The following ERLIN2 variants were observed in gnomAD, a reference collection of about 807,000 sequenced individuals.
ERLIN2 encodes erlin-2.
ERLIN2 carries 22 observed loss-of-function variants against 41.5 expected under a neutral mutation model. That is an observed-to-expected ratio of 0.53 (90% CI 0.38 to 0.76). The LOEUF (loss-of-function observed/expected upper bound fraction) is 0.76. Ranked by LOEUF, ERLIN2 falls within the 30% of genes least tolerant of loss-of-function variation. The pLI is 0.00. For missense variants in ERLIN2, 247 were observed against 414.3 expected (o/e 0.60, Z 3.51); for synonymous variants, 149 against 150.9 (o/e 0.99, Z 0.09).
At chr8:37,746,239 A>G (rs1168623519) in intron 6 of ERLIN2, 29 of 985,442 alleles carry the variant, frequency 2.9e-5, no homozygotes, top group Non-Finnish European at 3.3e-5. Context: ...TTCTCTCAGG[A>G]CTCTTATAGC....
intron 4 of ERLIN2, among the ~76,000 whole-genome samples, chr8:37,743,534 C>G (rs1271164908): frequency 1.3e-5 from 2 of 152,206 alleles, no homozygotes; most frequent in East Asian, 3.8e-4. Flanking sequence ...TCTTAAAGGT[C>G]TAATCTCCAA....
chr8:37,744,756 C>G (rs1399062857), intron 6 of ERLIN2, 60 bp downstream of exon 6: 1 of 1,597,078 alleles, frequency 6.3e-7, no homozygotes, highest in Admixed American at 1.7e-5. Context: ...CCCCGCGTCT[C>G]TCCACTGCCT....
rs1563319565 is a variant in ERLIN2, at chr8:37,756,327, ACTC to A, written c.*2215_*2217del. On this transcript the variant is annotated 3_prime_UTR_variant, in exon 12 of 12. Coordinates refer to ENST00000519638, the MANE Select transcript of ERLIN2 (RefSeq NM_007175.8). ...AGCATCCCACTTCCCGAAAATGTCT[ACTC>A]CTTCTACTCTGAGCTCTTGTTGCCT... 1 of 152,040 alleles carries A rather than the reference ACTC, an allele frequency of 6.6e-6. No homozygotes were observed. Among genetic ancestry groups the A allele is most frequent in the East Asian group, 1.9e-4 (1 of 5,182 alleles). 9.4% of individuals were successfully genotyped at this position (152,040 alleles called of 1,614,324 possible).
chr8:37,744,424 T>G lies in ERLIN2; in HGVS notation c.298+8T>G, dbSNP rs745872201. 26 of 1,613,820 alleles carry G rather than the reference T, an allele frequency of 1.6e-5. No individual in the cohort carries two copies. Among genetic ancestry groups the G allele is most frequent in the Middle Eastern group, 3.3e-4 (2 of 6,062 alleles). ...TCCTGGTCCCGAACGCAGGTACGTC[T>G]TAACAGTTTATTCCCACCACCAGCT... On this transcript the variant is annotated splice_region_variant and intron_variant, in intron 5 of 11. Transcript: ENST00000519638.
At chr8:37,751,601 G>T (rs180908278) in intron 9 of ERLIN2, 25 bp from the exon 10 acceptor site, 57 of 1,582,940 alleles carry the variant, frequency 3.6e-5, no homozygotes, top group Non-Finnish European at 4.9e-5. Context: ...TGCCAGAACC[G>T]TAATCCTCAC....
At chr8:37,743,712 T>G (rs1476293127) in intron 4 of ERLIN2, among the ~76,000 whole-genome samples, 1 of 151,932 alleles carries the variant, frequency 6.6e-6, no homozygotes, top group Non-Finnish European at 1.5e-5. Context: ...ATACCATGAG[T>G]GTGTAGGAGA....
rs1803293675 is a variant in ERLIN2 at position 37,753,924 on chromosome 8, A to C, written c.829A>C (p.Thr277Pro). The change falls in exon 12 of 12, where the codon ACC becomes CCC. Residue 277 changes from threonine (T) to proline (P), a missense_variant. Around this residue, in one of 3 missense-constraint regions of ERLIN2, gnomAD observed 153 missense variants for 256.4 expected, o/e 0.60. Coordinates refer to ENST00000519638, the MANE Select transcript of ERLIN2 (RefSeq NM_007175.8). ...KIAEANKLKL[T>P]PEYLQLMKYK... ...TTTTTTTTTTTAACAGCTGAAGCTA[A>C]CCCCTGAATATCTGCAGCTGATGAA... is the stretch of plus-strand genomic sequence containing the variant. 6.2e-7 allele frequency: 1 copy of C among 1,613,296 alleles called. No individual in the cohort carries two copies. The highest frequency in any genetic ancestry group is 1.7e-5 in the Admixed American group (1 of 59,942).
intron 6 of ERLIN2, chr8:37,745,517 T>A: frequency 6.3e-7 from 1 of 1,583,878 alleles, no homozygotes; most frequent in Non-Finnish European, 8.7e-7. Context: ...TAATAGCCAA[T>A]GCCAAAAGTA....
Position 37,741,667 on chromosome 8 carries a change from C to A in ERLIN2, c.190-105C>A. ...GTAATCATGTTTAATGAAGGCCATG[C>A]TCAACCCAAACAGTTATTCCAGGAC... On this transcript the variant is annotated intron_variant, in intron 3 of 11. Coordinates refer to ENST00000519638, the MANE Select transcript of ERLIN2 (RefSeq NM_007175.8). This position sits in a 1 kb window ranked among gnomAD's most constrained non-coding sequence, Gnocchi z 4.8. 1.1e-6 allele frequency: 1 copy of A among 891,652 alleles called. No homozygotes were observed. The highest frequency in any genetic ancestry group is 1.9e-6 in the Non-Finnish European group (1 of 527,654). The allele number at this position is 891,652 out of a possible 1,614,324, so 55.2% of individuals were successfully genotyped here.
intron 7 of ERLIN2, 79 bp downstream of exon 7, chr8:37,749,711 G>A (rs1190991965): frequency 1.3e-6 from 2 of 1,555,062 alleles, no homozygotes; most frequent in East Asian, 2.2e-5. Flanking sequence ...TTTTTGTGCA[G>A]GAAGATCAAG....
At position 37,754,475 on chromosome 8, in the gene ERLIN2, C is replaced by T; in HGVS notation, c.*360C>T. On this transcript the variant is annotated 3_prime_UTR_variant, in exon 12 of 12. Transcript: ENST00000519638. ...CCTCCAACTCATTTGATTTCCCTTACTTGGGAAAATGCAGTCCAGTGTTCT... is the reference window on the plus strand; with the variant it reads ...CCTCCAACTCATTTGATTTCCCTTATTTGGGAAAATGCAGTCCAGTGTTCT... The T allele has an allele frequency of 2.9e-6, 1 of 340,376 alleles. No individual in the cohort carries two copies. The highest frequency in any genetic ancestry group is 5.7e-6 in the Non-Finnish European group (1 of 175,196). 21.1% of individuals were successfully genotyped at this position (340,376 alleles called of 1,614,324 possible).
chr8:37,749,744 C>G (rs1485026770), intron 7 of ERLIN2, 50 bp from the exon 8 acceptor site: 3 of 1,580,816 alleles, frequency 1.9e-6, no homozygotes, highest in Non-Finnish European at 2.6e-6. Flanking sequence ...CTGGGTGTGT[C>G]CCTCACTACC....
intron 10 of ERLIN2, among the ~76,000 whole-genome samples, chr8:37,752,696 C>G (rs969967764): frequency 2.0e-5 from 3 of 152,110 alleles, no homozygotes; most frequent in African/African-American, 4.8e-5. Flanking sequence ...CTGGCCCGTT[C>G]CCAAGACAAG....
rs746703361 is a variant in ERLIN2, at chr8:37,754,395, G to A, written c.*280G>A. 7.0e-6 allele frequency: 3 copies of A among 427,510 alleles called. No homozygotes were observed. The highest frequency in any genetic ancestry group is 1.3e-5 in the Non-Finnish European group (3 of 229,080). 26.5% of individuals were successfully genotyped at this position (427,510 alleles called of 1,614,324 possible). ...TCTAGACACTAATTTTATCCTTTGA[G>A]GCTGGCTTAATTAGGGATGCTGTCA... On this transcript the variant is annotated 3_prime_UTR_variant, in exon 12 of 12. Coordinates refer to ENST00000519638, the MANE Select transcript of ERLIN2 (RefSeq NM_007175.8).
intron 2 of ERLIN2, 54 bp downstream of exon 2, chr8:37,738,083 C>G (rs938835638): frequency 1.2e-6 from 2 of 1,602,384 alleles, no homozygotes; most frequent in African/African-American, 2.7e-5. Flanking sequence ...GCTCCCTTTC[C>G]TGGTCATTGC....
At chr8:37,745,016 AG>A (rs1301350831) in intron 6 of ERLIN2, 1 of 598,340 alleles carries the variant, frequency 1.7e-6, no homozygotes. Flanking sequence ...AATGAAGACA[AG>A]GTCCATTCTA....
rs56008488 is a variant in ERLIN2 at position 37,755,571 on chromosome 8, C to G, written c.*1456C>G. 1.3e-4 allele frequency: 1 copy of G among 7,822 alleles called. No individual in the cohort carries two copies. The highest frequency in any genetic ancestry group is 7.2e-4 in the Admixed American group (1 of 1,392). The allele number at this position is 7,822 out of a possible 1,614,324, so 0.5% of individuals were successfully genotyped here. On this transcript the variant is annotated 3_prime_UTR_variant, in exon 12 of 12. Transcript: ENST00000519638. ...CTGACCCCCACCCCCCACCCCCCACCCCCCCCCCCCGCCAACTCCTATACC... is the reference window on the plus strand; with the variant it reads ...CTGACCCCCACCCCCCACCCCCCACGCCCCCCCCCCGCCAACTCCTATACC...
chr8:37,744,858 T>G lies in ERLIN2; in HGVS notation c.424+162T>G, dbSNP rs1168598191. The stretch of plus-strand genomic sequence containing the variant: ...CAGGAGCTGGTCACAAAGGAGTTCA[T>G]GGAGAATGCTGATAGCTATGCAACA... On this transcript the variant is annotated intron_variant, in intron 6 of 11. Transcript: ENST00000519638. 3 of 779,944 alleles carry G rather than the reference T, an allele frequency of 3.8e-6. No homozygotes were observed. In the South Asian group the frequency reaches 4.3e-5, roughly 11 times the overall value. 48.3% of individuals were successfully genotyped at this position (779,944 alleles called of 1,614,324 possible).
chr8:37,745,361 G>T (rs889142216), intron 6 of ERLIN2: 6 of 587,404 alleles, frequency 1.0e-5, no homozygotes, highest in African/African-American at 7.5e-5. Context: ...AAGATTCCAC[G>T]TGCCTAAGTA....
Sources: gnomAD v4.1 joint callset for allele counts (sites outside exome capture counted in the v4.1 genomes callset) on GRCh38, gnomAD v4.1.1 for gene constraint, gnomAD v4.1.1 regional missense constraint, Gnocchi (gnomAD v3.1) non-coding constraint, MANE v1.5 for transcripts, NCBI Gene and HGNC (gene_info 2026-07-23, HGNC 2026-07-21) for gene names.